Variants in PIK3C3 observed in about 807,000 individuals in gnomAD.
PIK3C3 encodes the protein phosphatidylinositol 3-kinase catalytic subunit type 3, also known as PI3-kinase type 3.
PIK3C3 carries 95 observed loss-of-function variants against 126.1 expected under a neutral mutation model. That is an observed-to-expected ratio of 0.75 (90% CI 0.64 to 0.89). PIK3C3 has a LOEUF of 0.89. Ranked by LOEUF, PIK3C3 falls within the 40% of genes least tolerant of loss-of-function variation. The pLI is 0.00. For missense variants in PIK3C3, 829 were observed against 1,063.2 expected, an observed-to-expected ratio of 0.78 and a Z score of 3.06; for synonymous variants, 374 against 360.0, an observed-to-expected ratio of 1.04 and a Z score of -0.44.
chr18:42,087,586 TG>T lies in PIK3C3; in HGVS notation c.*6451del, dbSNP rs1333356062. On this transcript the variant is annotated 3_prime_UTR_variant, in exon 25 of 25. Coordinates refer to ENST00000262039, the MANE Select transcript of PIK3C3 (RefSeq NM_002647.4). ...GGCTGCTCTTTGTTAGCAAATGATT[TG>T]GAGCTTCTTTTCATTAAAGAAAAAA... 1 of 152,216 alleles carries T rather than the reference TG, an allele frequency of 6.6e-6. No homozygotes were observed. The highest frequency in any genetic ancestry group is 1.9e-4 in the East Asian group (1 of 5,182). The allele number at this position is 152,216 out of a possible 1,614,324, so 9.4% of individuals were successfully genotyped here.
chr18:41,977,330 C>T (rs1323558911), intron 4 of PIK3C3, among the ~76,000 whole-genome samples: 3 of 152,080 alleles, frequency 2.0e-5, no homozygotes, highest in African/African-American at 7.2e-5. Context: ...GGAAACATTA[C>T]TGAAAAAGGT....
rs980369624 is a variant in PIK3C3 at position 42,049,699 on chromosome 18, C to T, written c.2263+94C>T. On this transcript the variant is annotated intron_variant, in intron 21 of 24. Coordinates refer to ENST00000262039, the MANE Select transcript of PIK3C3 (RefSeq NM_002647.4). ...ACTAACAAGATAAGTTGCGGCCTGG[C>T]GCGGTGGCTCACGCCCGTAATCCCA... The T allele has an allele frequency of 6.5e-5, 66 of 1,019,602 alleles. No homozygotes were observed. The African/African-American group carries it at 8.2e-4, about 13-fold the overall frequency. The allele number at this position is 1,019,602 out of a possible 1,614,324, so 63.2% of individuals were successfully genotyped here. A position where few individuals can be genotyped will look rare whatever the true frequency, so the allele number is the denominator to read the frequency against.
At chr18:42,031,576 C>T (rs1166329750) in intron 15 of PIK3C3, among the ~76,000 whole-genome samples, 1 of 152,080 alleles carries the variant, frequency 6.6e-6, no homozygotes, top group Non-Finnish European at 1.5e-5. Context: ...AGGCGTGCAC[C>T]ACCACGCCTG....
intron 13 of PIK3C3, among the ~76,000 whole-genome samples, chr18:42,022,194 G>T (rs1006113554): frequency 9.9e-5 from 15 of 152,060 alleles, no homozygotes; most frequent in African/African-American, 3.4e-4. Context: ...CAACGTGCAG[G>T]TTTGTTACAT....
chr18:41,957,837 G>C, intron 2 of PIK3C3, 79 bp downstream of exon 2: 1 of 1,069,840 alleles, frequency 9.3e-7, no homozygotes, highest in East Asian at 2.4e-5. Flanking sequence ...TAATTTAGTA[G>C]GATTATAGAG....
chr18:42,046,567 A>G (rs191581184), intron 20 of PIK3C3, among the ~76,000 whole-genome samples: 22 of 152,290 alleles, frequency 1.4e-4, no homozygotes, highest in African/African-American at 5.0e-4. Context: ...AAAACTAACA[A>G]CATTGTTTTG....
chr18:41,986,930 A>G (rs1384869265), intron 4 of PIK3C3, among the ~76,000 whole-genome samples: 1 of 152,100 alleles, frequency 6.6e-6, no homozygotes, highest in Non-Finnish European at 1.5e-5. Flanking sequence ...AGGAAGAGAA[A>G]GAAGATTGAT....
intron 12 of PIK3C3, among the ~76,000 whole-genome samples, chr18:42,019,439 CT>C (rs1360282631): frequency 1.3e-5 from 2 of 152,126 alleles, no homozygotes; most frequent in Non-Finnish European, 2.9e-5. Flanking sequence ...GACCTTAATA[CT>C]TTTGGTTGCA....
intron 16 of PIK3C3, among the ~76,000 whole-genome samples, chr18:42,036,630 T>C (rs1984064742): frequency 6.6e-6 from 1 of 151,198 alleles, no homozygotes; most frequent in Non-Finnish European, 1.5e-5. Context: ...GAATATAATT[T>C]CTTTATTTTT....
intron 12 of PIK3C3, among the ~76,000 whole-genome samples, 195 bp from the exon 13 acceptor site, chr18:42,020,443 G>A (rs148768767): frequency 1.4e-4 from 22 of 151,962 alleles, no homozygotes; most frequent in Non-Finnish European, 2.4e-4. Flanking sequence ...TCTGAACTGC[G>A]GTATTCTAAC....
At chr18:41,955,832 T>TA (rs1328697572) in intron 1 of PIK3C3, among the ~76,000 whole-genome samples, 1 of 150,400 alleles carries the variant, frequency 6.6e-6, no homozygotes, top group Non-Finnish European at 1.5e-5. Context: ...CGGGAGGTGA[T>TA]AGAGGCCTAG....
rs751230407 is a variant in PIK3C3 at position 42,027,422 on chromosome 18, A to G, written c.1485-21A>G. 2.1e-6 allele frequency: 3 copies of G among 1,406,684 alleles called. No individual in the cohort carries two copies. The Admixed American group carries it at 5.3e-5, about 25-fold the overall frequency. The allele number at this position is 1,406,684 out of a possible 1,614,324, so 87.1% of individuals were successfully genotyped here. A position where few individuals can be genotyped will look rare whatever the true frequency, so the allele number is the denominator to read the frequency against. On this transcript the variant is annotated intron_variant, in intron 13 of 24. Coordinates refer to ENST00000262039, the MANE Select transcript of PIK3C3 (RefSeq NM_002647.4). ...CTAAGTTTCATTTCACATCACATGA[A>G]TGGCTCAAACTATTTTTAAGGTATG...
At chr18:42,068,804 G>A (rs1401872154) in intron 24 of PIK3C3, among the ~76,000 whole-genome samples, 1 of 151,962 alleles carries the variant, frequency 6.6e-6, no homozygotes, top group African/African-American at 2.4e-5. Flanking sequence ...CAAAAAATTA[G>A]CCAGGTGTGA....
intron 21 of PIK3C3, among the ~76,000 whole-genome samples, chr18:42,054,954 T>C (rs1276963935): frequency 2.0e-5 from 3 of 152,108 alleles, no homozygotes; most frequent in Non-Finnish European, 4.4e-5. Context: ...CTTATGTAGT[T>C]CTTATTTGGA....
intron 16 of PIK3C3, 124 bp from the exon 17 acceptor site, chr18:42,037,568 A>C (rs1984111094): frequency 6.5e-6 from 5 of 775,170 alleles, no homozygotes; most frequent in Non-Finnish European, 1.0e-5. Context: ...TGAAAACCCA[A>C]CTTGTTTTTT....
Position 42,037,707 on chromosome 18 carries a change from G to A in PIK3C3, c.1855G>A (p.Ala619Thr). The A allele has an allele frequency of 6.2e-7, 1 of 1,611,260 alleles. No homozygotes were observed. The highest frequency in any genetic ancestry group is 8.5e-7 in the Non-Finnish European group (1 of 1,178,062). The change falls in exon 17 of 25, where the codon GCA (alanine) becomes ACA (threonine). Residue 619 changes from alanine (A) to threonine (T), a missense_variant. Transcript: ENST00000262039. ...ATLFKSALMP[A>T]QLFFKTEDGG... ...TATTTTCCAGAGTGCCCTTATGCCT[G>A]CACAGTTGTTTTTTAAGACGGAAGA...
chr18:41,968,109 A>G (rs982416940), intron 3 of PIK3C3, among the ~76,000 whole-genome samples: 2 of 152,154 alleles, frequency 1.3e-5, no homozygotes, highest in African/African-American at 4.8e-5. Context: ...CCTATCCTTA[A>G]ATCTCTTCTC....
In PIK3C3 at chr18:42,082,265, T is replaced by C. The variant is rs1454139150; in HGVS notation, c.*1128T>C. The C allele has an allele frequency of 6.6e-6, 1 of 152,172 alleles. No homozygotes were observed. The highest frequency in any genetic ancestry group is 1.5e-5 in the Non-Finnish European group (1 of 68,022). 9.4% of individuals were successfully genotyped at this position (152,172 alleles called of 1,614,324 possible). Reference sequence around the variant, plus strand: ...ATTAGAAATCAAGTGACAGAGAAGATGAAGGTAAAATTGTGGCACAGTTTC... The same window carrying C: ...ATTAGAAATCAAGTGACAGAGAAGACGAAGGTAAAATTGTGGCACAGTTTC... On this transcript the variant is annotated 3_prime_UTR_variant, in exon 25 of 25. Transcript: ENST00000262039.
chr18:42,059,059 C>A (rs1483899055), intron 22 of PIK3C3, among the ~76,000 whole-genome samples: 1 of 152,142 alleles, frequency 6.6e-6, no homozygotes, highest in East Asian at 1.9e-4. Context: ...GAGAACTCTT[C>A]GTATTTGTAT....
Sources: allele counts gnomAD v4.1 joint callset (sites outside exome capture counted in the v4.1 genomes callset), GRCh38; gene constraint gnomAD v4.1.1; transcripts MANE v1.5; gene names NCBI Gene and HGNC (gene_info 2026-07-23, HGNC 2026-07-21).